RANBP2: variants seen among roughly 807,000 people sequenced by gnomAD.
RANBP2 encodes RAN binding protein 2.
Under a neutral mutation model 303.6 loss-of-function variants are expected in RANBP2, and 57 were observed. The observed-to-expected ratio is 0.19, with a 90% CI of 0.15 to 0.23. RANBP2 has a LOEUF of 0.23. Among genes scored for constraint, RANBP2 ranks in the 10% least tolerant of loss-of-function variants. RANBP2 has a pLI of 1.00. For missense variants in RANBP2, 3,138 were observed against 3,780.8 expected, an observed-to-expected ratio of 0.83 and a Z score of 4.46; for synonymous variants, 1,167 against 1,301.5, an observed-to-expected ratio of 0.90 and a Z score of 2.23.
At chr2:109,456,559 G>C in the RANBP2 span, among the ~76,000 whole-genome samples, 1 of 152,230 alleles carries the variant, frequency 6.6e-6, no homozygotes, top group African/African-American at 2.4e-5. Flanking sequence ...CTGAGCAGAG[G>C]TCAGTGGTGG....
the RANBP2 span, chr2:108,798,704 C>T: frequency 1.6e-5 from 10 of 620,296 alleles, no homozygotes; most frequent in African/African-American, 4.3e-5. Flanking sequence ...CTCCTCTCCA[C>T]GCCTACACAC....
At chr2:109,105,320 T>G in the RANBP2 span, among the ~76,000 whole-genome samples, 1 of 152,052 alleles carries the variant, frequency 6.6e-6, no homozygotes. Flanking sequence ...GCACACAACT[T>G]CAGTAAACAC....
the RANBP2 span, among the ~76,000 whole-genome samples, chr2:109,531,085 G>A: frequency 1.3e-5 from 2 of 152,176 alleles, no homozygotes; most frequent in East Asian, 3.8e-4. Flanking sequence ...CCATCTAGCA[G>A]GGAGGTGTGG....
the RANBP2 span, among the ~76,000 whole-genome samples, chr2:109,619,620 T>C: frequency 6.6e-6 from 1 of 152,318 alleles, no homozygotes; most frequent in East Asian, 1.9e-4. Context: ...TGTTTTATGA[T>C]AACCCATAAA....
the RANBP2 span, among the ~76,000 whole-genome samples, chr2:109,486,115 A>T: frequency 6.6e-6 from 1 of 151,654 alleles, no homozygotes; most frequent in African/African-American, 2.4e-5. Context: ...ACCTTTCTTC[A>T]CCTTCCCAAG....
chr2:109,588,126 G>A, the RANBP2 span, among the ~76,000 whole-genome samples: 6 of 151,316 alleles, frequency 4.0e-5, no homozygotes, highest in African/African-American at 7.3e-5. Flanking sequence ...AAAAGACATC[G>A]TAGAATTCTA....
At chr2:108,912,802 A>G in the RANBP2 span, 3,042 of 1,524,106 alleles carry the variant, frequency 2.0e-3, 66 homozygotes, top group South Asian at 0.029. Flanking sequence ...GATCCAGAGA[A>G]GCTCCACCTT....
At chr2:109,436,785 C>G in the RANBP2 span, 1 of 1,464,198 alleles carries the variant, frequency 6.8e-7, no homozygotes, top group South Asian at 1.4e-5. Flanking sequence ...GATCAGTTGG[C>G]CTTCATCTCT....
At chr2:109,230,762 T>C in the RANBP2 span, among the ~76,000 whole-genome samples, 1 of 152,230 alleles carries the variant, frequency 6.6e-6, no homozygotes, top group African/African-American at 2.4e-5. Context: ...TAAAATGGGT[T>C]TGTCTGGACA....
chr2:108,790,534 T>G (rs904227063), downstream of RANBP2, among the ~76,000 whole-genome samples: 5 of 152,014 alleles, frequency 3.3e-5, no homozygotes, highest in African/African-American at 9.7e-5. Flanking sequence ...TTTCTAAGAC[T>G]TAGCATAGAT....
chr2:109,170,002 C>G, the RANBP2 span, among the ~76,000 whole-genome samples: 1 of 152,090 alleles, frequency 6.6e-6, no homozygotes, highest in African/African-American at 2.4e-5. Context: ...TCCTATTTTC[C>G]TGAATAGTCC....
chr2:109,076,559 A>T, the RANBP2 span, among the ~76,000 whole-genome samples: 6 of 150,652 alleles, frequency 4.0e-5, no homozygotes, highest in African/African-American at 1.5e-4. Context: ...AATTTTTAAG[A>T]TACAAAATCA....
chr2:109,636,563 C>T, the RANBP2 span, among the ~76,000 whole-genome samples: 1 of 152,122 alleles, frequency 6.6e-6, no homozygotes, highest in African/African-American at 2.4e-5. Flanking sequence ...AATATGACAA[C>T]AGAATGCAAC....
At chr2:109,093,406 T>TAAAAAAAAAAAAAAA in the RANBP2 span, among the ~76,000 whole-genome samples, 2 of 90,666 alleles carry the variant, frequency 2.2e-5, no homozygotes, top group Non-Finnish European at 4.3e-5. Flanking sequence ...CGGAGATTTG[T>TAAAAAAAAAAAAAAA]AAAAAAAAAA....
chr2:109,690,098 A>G, the RANBP2 span, among the ~76,000 whole-genome samples: 75 of 152,314 alleles, frequency 4.9e-4, no homozygotes, highest in African/African-American at 1.6e-3. Context: ...CCCTGAATGT[A>G]TCTGAGACAG....
chr2:109,514,045 C>A, the RANBP2 span, among the ~76,000 whole-genome samples: 1 of 152,166 alleles, frequency 6.6e-6, no homozygotes, highest in African/African-American at 2.4e-5. Context: ...AAAGCTAGAA[C>A]GGAGAAGGGC....
chr2:109,325,907 C>G, the RANBP2 span, among the ~76,000 whole-genome samples: 1 of 152,196 alleles, frequency 6.6e-6, no homozygotes, highest in Non-Finnish European at 1.5e-5. Flanking sequence ...CATAGTGTTT[C>G]CATTAGAAAT....
the RANBP2 span, among the ~76,000 whole-genome samples, chr2:109,190,984 C>T: frequency 4.6e-5 from 7 of 151,234 alleles, no homozygotes; most frequent in East Asian, 1.9e-4. Flanking sequence ...TTGCGTCAGG[C>T]GAGGAGTTAG....
At chr2:109,012,484 C>T in the RANBP2 span, among the ~76,000 whole-genome samples, 9 of 145,284 alleles carry the variant, frequency 6.2e-5, no homozygotes, top group Non-Finnish European at 9.1e-5. Context: ...GCAGAAGGAA[C>T]GGCGGAGAGG....
Sources: gnomAD v4.1 joint callset for allele counts (sites outside exome capture counted in the v4.1 genomes callset) on GRCh38, gnomAD v4.1.1 for gene constraint, MANE v1.5 for transcripts, NCBI Gene and HGNC (gene_info 2026-07-23, HGNC 2026-07-21) for gene names.